Variants in PRMT7 observed in about 807,000 individuals in gnomAD.
PRMT7 encodes the protein protein arginine methyltransferase 7, also known as protein arginine N-methyltransferase 7.
A neutral mutation model predicts 85.4 loss-of-function variants in PRMT7; 75 were observed. The observed-to-expected ratio is 0.88, with a 90% CI of 0.73 to 1.06. PRMT7 has a LOEUF of 1.06. Ranked by LOEUF, PRMT7 falls within the 50% of genes least tolerant of loss-of-function variation. The probability of loss-of-function intolerance (pLI) is 0.00; values close to 1 mark genes in which losing one functional copy is unlikely to be tolerated. For missense variants in PRMT7, 868 were observed against 915.2 expected, an observed-to-expected ratio of 0.95 and a Z score of 0.67; for synonymous variants, 397 against 359.5, an observed-to-expected ratio of 1.10 and a Z score of -1.18.
intron 11 of PRMT7, 137 bp from the exon 12 acceptor site, chr16:68,347,074 A>G (rs2086521884): frequency 4.3e-6 from 3 of 695,574 alleles, no homozygotes; most frequent in Admixed American, 5.3e-5. Flanking sequence ...GGGGGTGGTT[A>G]CTGCATGAGG....
intron 13 of PRMT7, 32 bp from the exon 14 acceptor site, chr16:68,348,310 G>A (rs764810523): frequency 1.3e-6 from 2 of 1,493,398 alleles, no homozygotes; most frequent in Non-Finnish European, 1.9e-6. Context: ...ACTTTAGTAT[G>A]AATACAGTAA....
downstream of PRMT7, chr16:68,360,451 TCTGTTGTGC>T (rs926350112): frequency 6.6e-6 from 1 of 152,346 alleles, no homozygotes; most frequent in African/African-American, 2.4e-5. Flanking sequence ...CCTGCCAGAC[TCTGTTGTGC>T]CTGAGCTGGG....
At chr16:68,328,614 G>GCACT (rs2083427820) in intron 5 of PRMT7, 1 of 167,956 alleles carries the variant, frequency 6.0e-6, no homozygotes. Flanking sequence ...TGGACAAGAG[G>GCACT]CACTGCTGCA....
intron 9 of PRMT7, among the ~76,000 whole-genome samples, chr16:68,345,162 G>C (rs913579493): frequency 6.6e-6 from 1 of 152,208 alleles, no homozygotes; most frequent in African/African-American, 2.4e-5. Context: ...TTTGTCTCCA[G>C]AAGTCCTTGA....
intron 9 of PRMT7, among the ~76,000 whole-genome samples, chr16:68,345,267 C>T (rs1008515009): frequency 3.9e-5 from 6 of 152,178 alleles, no homozygotes; most frequent in African/African-American, 1.4e-4. Flanking sequence ...CTTTGGAATG[C>T]GTGCCATGGA....
At chr16:68,317,859 C>G (rs1266183915) in intron 3 of PRMT7, among the ~76,000 whole-genome samples, 1 of 142,666 alleles carries the variant, frequency 7.0e-6, no homozygotes, top group Non-Finnish European at 1.5e-5. Context: ...AAAAACCACA[C>G]ACACACAGAT....
intron 6 of PRMT7, among the ~76,000 whole-genome samples, chr16:68,333,250 G>A (rs914801893): frequency 3.9e-5 from 6 of 152,192 alleles, no homozygotes; most frequent in South Asian, 4.2e-4. Flanking sequence ...TTGGGAGGCC[G>A]AGGCTGGCGG....
intron 6 of PRMT7, among the ~76,000 whole-genome samples, chr16:68,335,923 C>T (rs2084619936): frequency 6.6e-6 from 1 of 151,980 alleles, no homozygotes; most frequent in Non-Finnish European, 1.5e-5. Flanking sequence ...ATTACAGGCA[C>T]CCATCACCAC....
At chr16:68,326,042 CAT>C (rs753522018) in intron 5 of PRMT7, among the ~76,000 whole-genome samples, 23 of 152,144 alleles carry the variant, frequency 1.5e-4, no homozygotes, top group Admixed American at 3.3e-4. Flanking sequence ...AAAAATTAAA[CAT>C]GTTATTTTTC....
At chr16:68,326,302 G>A (rs1360351228) in intron 5 of PRMT7, among the ~76,000 whole-genome samples, 3 of 152,102 alleles carry the variant, frequency 2.0e-5, no homozygotes, top group South Asian at 2.1e-4. Context: ...TATCTTTTTC[G>A]TGGCGTGATC....
At chr16:68,325,809 A>G (rs1405826064) in intron 5 of PRMT7, among the ~76,000 whole-genome samples, 1 of 152,062 alleles carries the variant, frequency 6.6e-6, no homozygotes, top group Non-Finnish European at 1.5e-5. Context: ...ACAAAACAAA[A>G]AAACCTTATG....
At chr16:68,333,382 G>A (rs2084189735) in intron 6 of PRMT7, among the ~76,000 whole-genome samples, 2 of 151,782 alleles carry the variant, frequency 1.3e-5, no homozygotes, top group Admixed American at 1.3e-4. Flanking sequence ...TGAGGAGATT[G>A]AGGCAGGAGA....
In PRMT7 at chr16:68,353,557, C is replaced by T; in HGVS notation, c.1641C>T (p.Asp547=). ...CEGFDVHIMD[D]MIKRALDFRE... is the part of the protein sequence containing the mutation. ...GCTTCGACGTGCACATCATGGACGACATGATTAAGGTAGGCAGGGCCACAC... is the reference window on the plus strand; with the variant it reads ...GCTTCGACGTGCACATCATGGACGATATGATTAAGGTAGGCAGGGCCACAC... The change falls in exon 16 of 19, where the codon GAC becomes GAT. Residue 547 remains aspartate (D), a synonymous_variant. Transcript: ENST00000441236. 1 of 1,582,440 alleles carries T rather than the reference C, an allele frequency of 6.3e-7. No individual in the cohort carries two copies. The highest frequency in any genetic ancestry group is 1.2e-5 in the South Asian group (1 of 86,108).
At chr16:68,326,856 A>G (rs2083182438) in intron 5 of PRMT7, among the ~76,000 whole-genome samples, 1 of 152,126 alleles carries the variant, frequency 6.6e-6, no homozygotes, top group Non-Finnish European at 1.5e-5. Context: ...GGAGGTGTGA[A>G]GGTACCAGCT....
In PRMT7 at chr16:68,319,738, G is replaced by GTA. The variant is rs1013437639; in HGVS notation, c.96-1687_96-1686insAT. Among the ~76,000 whole-genome samples the GTA allele has an allele frequency of 3.0e-4, 46 of 151,788 alleles. No homozygotes were observed. The East Asian group carries it at 7.2e-3, about 24-fold the overall frequency. ...TGTGTGTGTGTGTGTGTGTGTGTGT[G>GTA]TGTTCTGGGACTCTGCATTTCAGGT... On this transcript the variant is annotated intron_variant, in intron 3 of 18. Coordinates refer to ENST00000441236, the MANE Select transcript of PRMT7 (RefSeq NM_019023.5).
Position 68,357,126 on chromosome 16 carries a change from C to G in PRMT7, c.1981C>G (p.Leu661Val). 5 of 1,613,978 alleles carry G rather than the reference C, an allele frequency of 3.1e-6. No individual in the cohort carries two copies. In the South Asian group the frequency reaches 5.5e-5, roughly 18 times the overall value. Residue 661 changes from leucine to valine, a missense_variant, in exon 19 of 19, where the codon CTG becomes GTG. By Grantham distance (32) the Leu-to-Val change is conservative. Coordinates refer to ENST00000441236, the MANE Select transcript of PRMT7 (RefSeq NM_019023.5). ...FFSPAPDPRALLGGPRTVSYA... is the reference protein window; with the variant it reads ...FFSPAPDPRAVLGGPRTVSYA... ...CAGCCCTGCCCCAGATCCCAGAGCA[C>G]TGCTGGGTGGCCCACGGACTGTCAG...
intron 6 of PRMT7, among the ~76,000 whole-genome samples, chr16:68,333,201 C>T (rs912194074): frequency 1.6e-4 from 24 of 151,980 alleles, no homozygotes; most frequent in Non-Finnish European, 3.2e-4. Flanking sequence ...CTAAGTCTTG[C>T]GGCTGGGTGC....
chr16:68,335,411 G>C (rs1480663616), intron 6 of PRMT7, among the ~76,000 whole-genome samples: 18 of 152,084 alleles, frequency 1.2e-4, no homozygotes, highest in Admixed American at 1.2e-3. Context: ...CGTGTTAGCT[G>C]GGGTGGGTGG....
intron 6 of PRMT7, among the ~76,000 whole-genome samples, chr16:68,333,006 T>G (rs912239397): frequency 6.6e-6 from 1 of 151,988 alleles, no homozygotes; most frequent in Non-Finnish European, 1.5e-5. Context: ...ATTTATTTAT[T>G]TTTTTTTGAG....
Sources: gnomAD v4.1 joint callset for allele counts (sites outside exome capture counted in the v4.1 genomes callset) on GRCh38, gnomAD v4.1.1 for gene constraint, MANE v1.5 for transcripts, NCBI Gene and HGNC (gene_info 2026-07-23, HGNC 2026-07-21) for gene names.